Variants in RTKN2 observed in about 807,000 individuals in gnomAD.
RTKN2 encodes rhotekin 2.
In RTKN2, 69 loss-of-function variants were observed where a neutral mutation model predicts 71.5. The ratio of observed to expected loss-of-function variants is 0.96; its 90% CI spans 0.79 to 1.18. The LOEUF (loss-of-function observed/expected upper bound fraction) is 1.18, where lower values mean the gene tolerates loss of function less well. Among genes scored for constraint, RTKN2 ranks in the 50% most tolerant of loss-of-function variants. The probability of loss-of-function intolerance (pLI) is 0.00; values close to 1 mark genes in which losing one functional copy is unlikely to be tolerated. For missense variants in RTKN2, 724 were observed against 719.7 expected, an observed-to-expected ratio of 1.01 and a Z score of -0.07; for synonymous variants, 236 against 236.5, an observed-to-expected ratio of 1.00 and a Z score of 0.02.
At chr10:62,243,216 G>T (rs1842415990) in intron 3 of RTKN2, among the ~76,000 whole-genome samples, 1 of 140,336 alleles carries the variant, frequency 7.1e-6, no homozygotes, top group Admixed American at 7.8e-5. Context: ...TCCCACCTAT[G>T]AATTTATTTT....
intron 11 of RTKN2, among the ~76,000 whole-genome samples, chr10:62,199,446 A>T (rs1841395127): frequency 6.6e-6 from 1 of 152,190 alleles, no homozygotes; most frequent in African/African-American, 2.4e-5. Flanking sequence ...AGAATGTGCA[A>T]ATGTTTATTT....
chr10:62,252,547 ATATGAC>A (rs1368738304), intron 2 of RTKN2, among the ~76,000 whole-genome samples: 3 of 152,142 alleles, frequency 2.0e-5, no homozygotes, highest in African/African-American at 4.8e-5. Flanking sequence ...AAAGGTGAAG[ATATGAC>A]TATAAGATTA....
At chr10:62,200,339 G>T (rs1841415378) in intron 10 of RTKN2, among the ~76,000 whole-genome samples, 1 of 137,650 alleles carries the variant, frequency 7.3e-6, no homozygotes, top group South Asian at 2.3e-4. Context: ...CTCCAGACTG[G>T]GCAACAGAGA....
In RTKN2 at chr10:62,239,764, T is replaced by C; in HGVS notation, c.372A>G (p.Arg124=). ...KDSDHFSNKE[R]SRRYAIFCLF... is the part of the protein sequence containing the mutation. ...AACAAAAAATGGCATAGCGTCGTGA[T>C]CCTGGAGGAAAAATAACAACATATT... Residue 124 remains arginine, a splice_region_variant and synonymous_variant, in exon 5 of 12, where the codon CGA becomes CGG. Transcript: ENST00000373789. The C allele has an allele frequency of 6.6e-7, 1 of 1,509,952 alleles. No individual in the cohort carries two copies. The highest frequency in any genetic ancestry group is 9.1e-7 in the Non-Finnish European group (1 of 1,095,500). The allele number at this position is 1,509,952 out of a possible 1,614,324, so 93.5% of individuals were successfully genotyped here. A position where few individuals can be genotyped will look rare whatever the true frequency, so the allele number is the denominator to read the frequency against.
chr10:62,244,345 T>A (rs973150683), intron 3 of RTKN2, among the ~76,000 whole-genome samples: 1 of 152,198 alleles, frequency 6.6e-6, no homozygotes, highest in African/African-American at 2.4e-5. Flanking sequence ...AAGAAACACA[T>A]GCAGAAATAA....
intron 7 of RTKN2, among the ~76,000 whole-genome samples, chr10:62,219,236 C>T (rs1841849509): frequency 1.4e-5 from 1 of 69,828 alleles, no homozygotes; most frequent in Admixed American, 1.7e-4. Context: ...GTATCAGCAC[C>T]TGAAGGGCCT....
intron 4 of RTKN2, 135 bp downstream of exon 4, chr10:62,241,007 A>G (rs1842362078): frequency 1.8e-6 from 1 of 570,178 alleles, no homozygotes; most frequent in African/African-American, 1.9e-5. Context: ...AAAAATCAGA[A>G]AACAGTTCAA....
In RTKN2 at chr10:62,198,328, C is replaced by T. The variant is rs749791562; in HGVS notation, c.1410G>A (p.Trp470Ter). The T allele has an allele frequency of 6.2e-7, 1 of 1,613,546 alleles. No homozygotes were observed. Among genetic ancestry groups the T allele is most frequent in the South Asian group, 1.1e-5 (1 of 91,048 alleles). The part of the protein sequence containing the change: ...GQHEESLPPP[W>*]ATLFDGNHQM... ...GATGGTTACCATCAAAGAGTGTGGC[C>T]CAAGGAGGTGGTAAGGATTCTTCAT... Residue 470 changes from tryptophan to a stop codon, truncating the protein, a stop_gained, in exon 12 of 12, where the codon TGG becomes TGA. Coordinates refer to ENST00000373789, the MANE Select transcript of RTKN2 (RefSeq NM_145307.4). LOFTEE classifies it high-confidence loss of function.
intron 2 of RTKN2, among the ~76,000 whole-genome samples, chr10:62,250,100 C>T (rs1236950332): frequency 2.6e-5 from 4 of 152,190 alleles, no homozygotes; most frequent in Non-Finnish European, 5.9e-5. Flanking sequence ...CTGAAACCGT[C>T]AAAACCAGCT....
intron 6 of RTKN2, among the ~76,000 whole-genome samples, chr10:62,234,053 A>C (rs1245080422): frequency 6.6e-6 from 1 of 152,208 alleles, no homozygotes; most frequent in Non-Finnish European, 1.5e-5. Flanking sequence ...TGGTGTTTCC[A>C]AGTCTTGGCA....
chr10:62,209,356 A>T (rs1368811246), intron 9 of RTKN2, among the ~76,000 whole-genome samples: 2 of 150,730 alleles, frequency 1.3e-5, no homozygotes, highest in Non-Finnish European at 2.9e-5. Context: ...AGGATAAAAG[A>T]TCAATTTCTT....
chr10:62,225,851 G>A (rs112065159), intron 6 of RTKN2, among the ~76,000 whole-genome samples: 3,532 of 149,450 alleles, frequency 0.024, 56 homozygotes, highest in Non-Finnish European at 0.034. Flanking sequence ...GCACAATCTC[G>A]ACTCACTGCA....
chr10:62,195,109 G>A lies in RTKN2; in HGVS notation c.*2799C>T. ...CAATTAAAAATAATACTATCTTAAT[G>A]CTGACTACGTAATTTATATCCCAGA... On this transcript the variant is annotated 3_prime_UTR_variant, in exon 12 of 12. Coordinates refer to ENST00000373789, the MANE Select transcript of RTKN2 (RefSeq NM_145307.4). 1.0e-6 allele frequency: 1 copy of A among 980,716 alleles called. No homozygotes were observed. Among genetic ancestry groups the A allele is most frequent in the Non-Finnish European group, 1.2e-6 (1 of 825,714 alleles). 60.8% of individuals were successfully genotyped at this position (980,716 alleles called of 1,614,324 possible). A position where few individuals can be genotyped will look rare whatever the true frequency, so the allele number is the denominator to read the frequency against.
chr10:62,208,317 T>C (rs1243135660), intron 9 of RTKN2, among the ~76,000 whole-genome samples: 1 of 152,022 alleles, frequency 6.6e-6, no homozygotes, highest in Non-Finnish European at 1.5e-5. Flanking sequence ...GGTCTCTAAA[T>C]ACTCTTTACT....
chr10:62,217,502 C>T (rs1841799537), intron 8 of RTKN2, among the ~76,000 whole-genome samples: 2 of 152,132 alleles, frequency 1.3e-5, no homozygotes, highest in Middle Eastern at 3.2e-3. Context: ...AACTTTTACA[C>T]ACATAAAACC....
At chr10:62,208,398 G>T (rs1026128164) in intron 9 of RTKN2, among the ~76,000 whole-genome samples, 1 of 152,104 alleles carries the variant, frequency 6.6e-6, no homozygotes, top group Non-Finnish European at 1.5e-5. Flanking sequence ...AGATGATTCT[G>T]GAACATCTTG....
intron 1 of RTKN2, among the ~76,000 whole-genome samples, chr10:62,263,356 G>A (rs780852320): frequency 2.0e-5 from 3 of 152,168 alleles, no homozygotes; most frequent in Admixed American, 6.5e-5. Flanking sequence ...AGCTGGAAAA[G>A]GCAAGAAAGG....
At chr10:62,231,657 TACA>T (rs1397679218) in intron 6 of RTKN2, among the ~76,000 whole-genome samples, 2 of 152,122 alleles carry the variant, frequency 1.3e-5, no homozygotes, top group Non-Finnish European at 2.9e-5. Context: ...GGGCAATTGT[TACA>T]ACATTTTTTT....
At chr10:62,191,032 T>C (rs987607521), downstream of RTKN2, among the ~76,000 whole-genome samples, 4 of 152,226 alleles carry the variant, frequency 2.6e-5, no homozygotes, top group Admixed American at 6.5e-5. Context: ...ACCCATTGGA[T>C]GAATTATCTT....
Sources: gnomAD v4.1 joint callset for allele counts (sites outside exome capture counted in the v4.1 genomes callset) on GRCh38, gnomAD v4.1.1 for gene constraint, MANE v1.5 for transcripts, NCBI Gene and HGNC (gene_info 2026-07-23, HGNC 2026-07-21) for gene names.